SFXN1: variants seen among roughly 807,000 people sequenced by gnomAD.
The protein encoded by SFXN1 is sideroflexin-1.
Under a neutral mutation model 39.5 loss-of-function variants are expected in SFXN1, and 32 were observed. The ratio of observed to expected loss-of-function variants is 0.81; its 90% CI spans 0.61 to 1.09. The LOEUF is 1.09. Among genes scored for constraint, SFXN1 ranks in the 50% least tolerant of loss-of-function variants. The pLI, the probability that SFXN1 is intolerant of heterozygous loss-of-function variation, is 0.00. For synonymous variants in SFXN1, 136 were observed against 146.5 expected (o/e 0.93, Z 0.52); for missense variants, 402 against 407.1 (o/e 0.99, Z 0.11).
chr5:175,480,477 G>C (rs1759201973), intron 1 of SFXN1, among the ~76,000 whole-genome samples: 1 of 152,194 alleles, frequency 6.6e-6, no homozygotes, highest in South Asian at 2.1e-4. Context: ...TCAGAGGTTA[G>C]ATTGAGGCTT....
In SFXN1 at chr5:175,510,105, T is replaced by C; in HGVS notation, c.336-4T>C. On this transcript the variant is annotated splice_polypyrimidine_tract_variant and splice_region_variant and intron_variant, in intron 3 of 10. Transcript: ENST00000321442. ...TGGGTATGTGACGGATGCCTCTGTTTTAGGACTACGCCGGCTGTGCTGTTC... is the reference window on the plus strand; with the variant it reads ...TGGGTATGTGACGGATGCCTCTGTTCTAGGACTACGCCGGCTGTGCTGTTC... The C allele has an allele frequency of 3.1e-6, 5 of 1,609,158 alleles. No homozygotes were observed. Among genetic ancestry groups the C allele is most frequent in the Non-Finnish European group, 4.2e-6 (5 of 1,177,486 alleles).
intron 1 of SFXN1, among the ~76,000 whole-genome samples, chr5:175,478,909 C>T (rs1357830326): frequency 6.6e-6 from 1 of 152,138 alleles, no homozygotes; most frequent in Non-Finnish European, 1.5e-5. Context: ...GCCTCGTCCC[C>T]GGTGGGAAGG....
intron 2 of SFXN1, among the ~76,000 whole-genome samples, chr5:175,507,594 T>G (rs2453748): frequency 0.25 from 37,664 of 152,080 alleles, 6,412 homozygotes; most frequent in African/African-American, 0.48. Flanking sequence ...GGATTCCTGT[T>G]TTTTCTCAAT....
At chr5:175,486,403 C>G (rs1759452094) in intron 1 of SFXN1, among the ~76,000 whole-genome samples, 1 of 152,198 alleles carries the variant, frequency 6.6e-6, no homozygotes. Flanking sequence ...ATAATAAGCG[C>G]ATTGGATAAA....
At chr5:175,525,022 CAAG>C (rs1581334730) in intron 10 of SFXN1, among the ~76,000 whole-genome samples, 1 of 152,284 alleles carries the variant, frequency 6.6e-6, no homozygotes, top group East Asian at 1.9e-4. Context: ...AAAGAAAACA[CAAG>C]AAACAGGTAG....
chr5:175,510,591 G>A lies in SFXN1; in HGVS notation c.434+384G>A, dbSNP rs1323566209. ...CTGAGTTGACAGACACCAACGTTAA[G>A]AGTAGAGGAGACAAAGTGTGGTCTC... On this transcript the variant is annotated intron_variant, in intron 4 of 10. Coordinates refer to ENST00000321442, the MANE Select transcript of SFXN1 (RefSeq NM_022754.7). 2.0e-5 allele frequency among the ~76,000 whole-genome samples: 3 copies of A among 152,204 alleles called. No homozygotes were observed. In the East Asian group the frequency reaches 5.8e-4, roughly 29 times the overall value.
chr5:175,518,099 C>T lies in SFXN1; in HGVS notation c.774+1436C>T, dbSNP rs538692881. ...ACATCAGCTGTGGGCAGGTGACTCA[C>T]GGAAATTTTTGCAGTAAACCAAGAA... On this transcript the variant is annotated intron_variant, in intron 8 of 10. Coordinates refer to ENST00000321442, the MANE Select transcript of SFXN1 (RefSeq NM_022754.7). Among the ~76,000 whole-genome samples, 14 of 152,214 alleles carry T rather than the reference C, an allele frequency of 9.2e-5. 1 individual carries two copies. In the South Asian group the frequency reaches 2.5e-3, roughly 27 times the overall value.
Position 175,526,727 on chromosome 5 carries a change from G to C in SFXN1, c.962G>C (p.Gly321Ala), listed in dbSNP as rs1006242782. Reference protein sequence around the residue: ...PELRRVYFNKGL With the variant: ...PELRRVYFNKAL ...TTGCGACGCGTGTACTTCAATAAGG[G>C]ATTGTAAAGCAGGGAGGAAACCTCT... Residue 321 changes from glycine to alanine, a missense_variant, in exon 11 of 11, where the codon GGA becomes GCA. Transcript: ENST00000321442. The C allele has an allele frequency of 1.2e-6, 2 of 1,613,830 alleles. No homozygotes were observed. The highest frequency in any genetic ancestry group is 1.7e-6 in the Non-Finnish European group (2 of 1,179,786).
intron 2 of SFXN1, among the ~76,000 whole-genome samples, chr5:175,506,177 A>G (rs1200971552): frequency 6.6e-6 from 1 of 152,204 alleles, no homozygotes. Context: ...CAAAAAGAAA[A>G]CAACTATTCT....
intron 2 of SFXN1, among the ~76,000 whole-genome samples, chr5:175,505,604 A>G (rs979871430): frequency 3.3e-5 from 5 of 151,014 alleles, no homozygotes; most frequent in Admixed American, 2.0e-4. Flanking sequence ...ATAAATTAGT[A>G]TAAGGCATCT....
At chr5:175,523,346 A>T (rs1760937127) in intron 10 of SFXN1, 1 of 152,254 alleles carries the variant, frequency 6.6e-6, no homozygotes, top group Non-Finnish European at 1.5e-5. Context: ...AGCCTGATTC[A>T]GATGAATTTC....
At chr5:175,507,398 CAGAG>C (rs781268845) in intron 2 of SFXN1, among the ~76,000 whole-genome samples, 6 of 152,106 alleles carry the variant, frequency 3.9e-5, no homozygotes, top group Non-Finnish European at 7.3e-5. Context: ...TATCTGAAGA[CAGAG>C]AGAAATGTTT....
At chr5:175,512,342 T>A (rs1760551526) in intron 6 of SFXN1, 146 bp downstream of exon 6, 1 of 743,442 alleles carries the variant, frequency 1.3e-6, no homozygotes, top group African/African-American at 1.8e-5. Context: ...TGAAATACTC[T>A]GGGGTTGGGG....
intron 3 of SFXN1, 134 bp downstream of exon 3, chr5:175,509,336 G>T: frequency 1.3e-6 from 1 of 787,620 alleles, no homozygotes. Context: ...TAATTAGCTT[G>T]ATTGAATCAT....
At chr5:175,490,019 T>A (rs1158546172) in intron 1 of SFXN1, among the ~76,000 whole-genome samples, 1 of 152,242 alleles carries the variant, frequency 6.6e-6, no homozygotes, top group African/African-American at 2.4e-5. Flanking sequence ...TCACTATCAC[T>A]ACCACATCCC....
chr5:175,490,988 G>A (rs1759633492), intron 1 of SFXN1, among the ~76,000 whole-genome samples: 1 of 152,160 alleles, frequency 6.6e-6, no homozygotes, highest in African/African-American at 2.4e-5. Flanking sequence ...GATTATGGGA[G>A]ATTTTGTTTC....
In SFXN1 at chr5:175,509,177, A is replaced by G. The variant is rs1561668020; in HGVS notation, c.310A>G (p.Thr104Ala). The G allele has an allele frequency of 6.2e-7, 1 of 1,613,488 alleles. No homozygotes were observed. The highest frequency in any genetic ancestry group is 1.3e-5 in the African/African-American group (1 of 74,994). Reference sequence around the variant, plus strand: ...CCAGGTTCCCATGAACATGACCATCACAGGTTGTATGATGACGTTTTACAG... The same window carrying G: ...CCAGGTTCCCATGAACATGACCATCGCAGGTTGTATGATGACGTTTTACAG... ...SAQVPMNMTI[T>A]GCMMTFYRTT... The change falls in exon 3 of 11, where the codon ACA becomes GCA. Residue 104 changes from threonine (T) to alanine (A), a missense_variant. Physicochemically the swap from Thr to Ala is moderately conservative, Grantham distance 58 (BLOSUM62 0). Coordinates refer to ENST00000321442, the MANE Select transcript of SFXN1 (RefSeq NM_022754.7).
intron 4 of SFXN1, 21 bp from the exon 5 acceptor site, chr5:175,511,430 G>A (rs201741121): frequency 9.0e-5 from 144 of 1,607,960 alleles, no homozygotes; most frequent in East Asian, 6.7e-5. Flanking sequence ...TCGTCCACAC[G>A]ATATCCTTTT....
chr5:175,510,196 C>G lies in SFXN1; in HGVS notation c.423C>G (p.Pro141=). ...VNYTNRSGDA[P]LTVNELGTAY... ...ACACCAACAGAAGTGGAGACGCACC[C>G]CTCACTGTCAAGTAAGGCTACGAGA... The change falls in exon 4 of 11, where the codon CCC becomes CCG. Residue 141 remains proline (P), a synonymous_variant. Transcript: ENST00000321442. 6.2e-7 allele frequency: 1 copy of G among 1,611,428 alleles called. No individual in the cohort carries two copies. The highest frequency in any genetic ancestry group is 8.5e-7 in the Non-Finnish European group (1 of 1,178,714).
Sources: allele counts gnomAD v4.1 joint callset (sites outside exome capture counted in the v4.1 genomes callset), GRCh38; gene constraint gnomAD v4.1.1; transcripts MANE v1.5; gene names NCBI Gene and HGNC (gene_info 2026-07-23, HGNC 2026-07-21).